Variants in IFI27L1 observed in about 807,000 individuals in gnomAD.
IFI27L1 encodes the protein interferon alpha-inducible protein 27-like protein 1.
IFI27L1 carries 3 observed loss-of-function variants against 9.2 expected under a neutral mutation model. That is an observed-to-expected ratio of 0.32 (90% CI 0.15 to 0.84). The LOEUF (loss-of-function observed/expected upper bound fraction) is 0.84. Ranked by LOEUF, IFI27L1 falls within the 40% of genes least tolerant of loss-of-function variation. IFI27L1 has a pLI of 0.56. For synonymous variants in IFI27L1, 53 were observed against 50.0 expected (o/e 1.06, Z -0.26); for missense variants, 133 against 134.2 (o/e 0.99, Z 0.05).
intron 1 of IFI27L1, among the ~76,000 whole-genome samples, chr14:94,087,450 G>A (rs769249635): frequency 2.6e-5 from 4 of 152,080 alleles, no homozygotes; most frequent in African/African-American, 4.8e-5. Context: ...GTTTTGAGAC[G>A]GAGTCTCACT....
chr14:94,101,080 T>TGGTA, intron 3 of IFI27L1: 1 of 555,338 alleles, frequency 1.8e-6, no homozygotes, highest in South Asian at 2.3e-5. Flanking sequence ...GCAGGGCCCA[T>TGGTA]GGTATCCTTG....
intron 1 of IFI27L1, among the ~76,000 whole-genome samples, chr14:94,091,085 C>T (rs1886459326): frequency 6.6e-6 from 1 of 152,216 alleles, no homozygotes; most frequent in African/African-American, 2.4e-5. Context: ...GTCTGATGCT[C>T]ATGAACATTT....
chr14:94,095,457 T>G (rs988521930), intron 1 of IFI27L1, among the ~76,000 whole-genome samples: 30 of 152,274 alleles, frequency 2.0e-4, no homozygotes, highest in Admixed American at 1.6e-3. Flanking sequence ...GTTAGTCAGT[T>G]TTACATTTCT....
At chr14:94,100,609 G>C in intron 2 of IFI27L1, 130 bp from the exon 3 acceptor site, 1 of 1,570,740 alleles carries the variant, frequency 6.4e-7, no homozygotes, top group Non-Finnish European at 8.6e-7. Context: ...TATGGCCTAG[G>C]ATGAGTAGGG....
chr14:94,083,914 ACAT>A (rs1429009067), intron 1 of IFI27L1, among the ~76,000 whole-genome samples: 7 of 152,234 alleles, frequency 4.6e-5, no homozygotes, highest in Admixed American at 1.3e-4. Flanking sequence ...ACATAGCAAG[ACAT>A]CATCTTTAAA....
intron 1 of IFI27L1, 181 bp from the exon 2 acceptor site, chr14:94,096,706 A>G (rs1283289699): frequency 2.3e-6 from 1 of 440,604 alleles, no homozygotes; most frequent in Non-Finnish European, 4.1e-6. Context: ...AAAAAAAAAA[A>G]AAAAAAGGCT....
At chr14:94,100,819 C>G (rs371508403) in intron 3 of IFI27L1, 48 bp downstream of exon 3, 6 of 1,602,846 alleles carry the variant, frequency 3.7e-6, no homozygotes, top group Non-Finnish European at 4.3e-6. Context: ...CCGCCTCCCC[C>G]CAGCCCTGAG....
chr14:94,087,462 T>A (rs1886318111), intron 1 of IFI27L1, among the ~76,000 whole-genome samples: 1 of 152,250 alleles, frequency 6.6e-6, no homozygotes, highest in East Asian at 1.9e-4. Context: ...AGTCTCACTC[T>A]GTCACGCAGG....
At chr14:94,093,264 T>G (rs1318733355) in intron 1 of IFI27L1, among the ~76,000 whole-genome samples, 11 of 151,140 alleles carry the variant, frequency 7.3e-5, no homozygotes, top group Non-Finnish European at 1.6e-4. Flanking sequence ...CCTCCTGGGT[T>G]CACGCCATTC....
In IFI27L1 at chr14:94,092,435, C is replaced by T. The variant is rs112852987; in HGVS notation, c.-51-4452C>T. Among the ~76,000 whole-genome samples, 528 of 150,838 alleles carry T rather than the reference C, an allele frequency of 3.5e-3. 5 individuals are homozygous for T. Among genetic ancestry groups the T allele is most frequent in the Middle Eastern group, 7.0e-3 (2 of 284 alleles). ...CTGAGGCAGGAGAATTGCTTGAACCCGGGAGGTGGAGGATGCAGTGAGCCA... is the reference window on the plus strand; with the variant it reads ...CTGAGGCAGGAGAATTGCTTGAACCTGGGAGGTGGAGGATGCAGTGAGCCA... On this transcript the variant is annotated intron_variant, in intron 1 of 4. Coordinates refer to ENST00000555523, the MANE Select transcript of IFI27L1 (RefSeq NM_206949.3).
intron 1 of IFI27L1, among the ~76,000 whole-genome samples, chr14:94,084,553 C>T (rs572216702): frequency 2.0e-5 from 3 of 152,198 alleles, no homozygotes; most frequent in Admixed American, 1.3e-4. Context: ...GATTAACATC[C>T]AAAGGACTGA....
intron 1 of IFI27L1, among the ~76,000 whole-genome samples, chr14:94,085,964 G>T (rs1013592785): frequency 6.6e-6 from 1 of 152,130 alleles, no homozygotes. Context: ...AAAAACATAC[G>T]TATGTATAAG....
chr14:94,100,517 C>T (rs980321260), intron 2 of IFI27L1: 1 of 985,268 alleles, frequency 1.0e-6, no homozygotes, highest in African/African-American at 1.7e-5. Flanking sequence ...AGACAGGTGA[C>T]TTCTGATGCG....
rs1369352550 is a variant in IFI27L1 at position 94,089,635 on chromosome 14, C to T, written c.-51-7252C>T. Among the ~76,000 whole-genome samples the T allele has an allele frequency of 4.6e-5, 7 of 152,160 alleles. No homozygotes were observed. The South Asian group carries it at 8.3e-4, about 18-fold the overall frequency. On this transcript the variant is annotated intron_variant, in intron 1 of 4. Coordinates refer to ENST00000555523, the MANE Select transcript of IFI27L1 (RefSeq NM_206949.3). ...CTGTCTCATCCTGTGACTAAGAATG[C>T]GTAACCTCCTGGGAATGCAGCCTAG... is the stretch of plus-strand genomic sequence containing the variant.
At chr14:94,100,324 C>G (rs1186004179) in intron 2 of IFI27L1, 1 of 985,290 alleles carries the variant, frequency 1.0e-6, no homozygotes, top group Non-Finnish European at 1.2e-6. Flanking sequence ...TGGCTGAGCT[C>G]TTTCTAGCAG....
At chr14:94,100,861 A>G in intron 3 of IFI27L1, 90 bp downstream of exon 3, 2 of 1,400,078 alleles carry the variant, frequency 1.4e-6, no homozygotes, top group South Asian at 2.3e-5. Flanking sequence ...GACCAAACCC[A>G]GGATTCTCCA....
At chr14:94,091,756 CA>C (rs1319544370) in intron 1 of IFI27L1, among the ~76,000 whole-genome samples, 1 of 152,124 alleles carries the variant, frequency 6.6e-6, no homozygotes, top group Non-Finnish European at 1.5e-5. Flanking sequence ...GCTTTCCAAA[CA>C]ATCTCTTTCC....
intron 2 of IFI27L1, chr14:94,100,425 C>T: frequency 3.0e-6 from 3 of 985,404 alleles, no homozygotes; most frequent in Non-Finnish European, 3.6e-6. Flanking sequence ...CCTGCCAGCC[C>T]TGAGAGCTCA....
At chr14:94,097,657 G>A in intron 2 of IFI27L1, 1 of 702,368 alleles carries the variant, frequency 1.4e-6, no homozygotes, top group Non-Finnish European at 2.6e-6. Context: ...ATGAGGGATG[G>A]TCAGACTGGA....
Sources: gnomAD v4.1 joint callset for allele counts (sites outside exome capture counted in the v4.1 genomes callset) on GRCh38, gnomAD v4.1.1 for gene constraint, MANE v1.5 for transcripts, NCBI Gene and HGNC (gene_info 2026-07-23, HGNC 2026-07-21) for gene names.